Variants in SLC24A2 observed in about 807,000 individuals in gnomAD.
The protein encoded by SLC24A2 is sodium/potassium/calcium exchanger 2.
A neutral mutation model predicts 62.0 loss-of-function variants in SLC24A2; 36 were observed. The observed-to-expected ratio is 0.58, with a 90% CI of 0.44 to 0.77. The LOEUF (loss-of-function observed/expected upper bound fraction) is 0.77. Ranked by LOEUF, SLC24A2 falls within the 30% of genes least tolerant of loss-of-function variation. The pLI is 0.00. For missense variants in SLC24A2, 846 were observed against 817.9 expected, an observed-to-expected ratio of 1.03 and a Z score of -0.42; for synonymous variants, 358 against 294.0, an observed-to-expected ratio of 1.22 and a Z score of -2.23.
chr9:19,725,051 T>C (rs979224848), intron 2 of SLC24A2, among the ~76,000 whole-genome samples: 2 of 152,148 alleles, frequency 1.3e-5, no homozygotes, highest in Non-Finnish European at 2.9e-5. Context: ...ATACTGTAGT[T>C]ATATTTATTC....
the SLC24A2 span, among the ~76,000 whole-genome samples, chr9:20,159,669 G>A: frequency 6.6e-6 from 1 of 151,384 alleles, no homozygotes; most frequent in South Asian, 2.1e-4. Flanking sequence ...ATAGGGAATA[G>A]GTGGATGTCA....
At chr9:19,985,074 G>A in the SLC24A2 span, among the ~76,000 whole-genome samples, 1 of 151,374 alleles carries the variant, frequency 6.6e-6, no homozygotes, top group Non-Finnish European at 1.5e-5. Context: ...TAAAAAGACT[G>A]ACAATAACAA....
chr9:19,671,920 G>A (rs1403604131), intron 2 of SLC24A2, among the ~76,000 whole-genome samples: 1 of 146,002 alleles, frequency 6.8e-6, no homozygotes, highest in Non-Finnish European at 1.5e-5. Flanking sequence ...GATTATGGTG[G>A]ATTTTTTTTT....
the SLC24A2 span, among the ~76,000 whole-genome samples, chr9:19,864,535 C>T: frequency 1.4e-3 from 208 of 152,070 alleles, 2 homozygotes; most frequent in African/African-American, 4.6e-3. Flanking sequence ...GATGGTTCAA[C>T]GTATGCAAAT....
At chr9:20,301,965 T>C in the SLC24A2 span, among the ~76,000 whole-genome samples, 2 of 152,328 alleles carry the variant, frequency 1.3e-5, no homozygotes, top group Middle Eastern at 3.4e-3. Flanking sequence ...CAGTTTTGCC[T>C]TTTCCGGAAT....
the SLC24A2 span, among the ~76,000 whole-genome samples, chr9:20,192,376 G>GAT: frequency 0.062 from 9,362 of 151,406 alleles, 936 homozygotes; most frequent in African/African-American, 0.21. Context: ...AAATTGGGAA[G>GAT]ATATATATAT....
At chr9:20,246,936 AGAG>A in the SLC24A2 span, among the ~76,000 whole-genome samples, 1 of 152,348 alleles carries the variant, frequency 6.6e-6, no homozygotes, top group South Asian at 2.1e-4. Context: ...TTAACTATGC[AGAG>A]GAGATAGCAC....
At chr9:19,697,116 A>C (rs141497491) in intron 2 of SLC24A2, among the ~76,000 whole-genome samples, 7,081 of 152,330 alleles carry the variant, frequency 0.046, 198 homozygotes, top group Middle Eastern at 0.16. Context: ...AAATTAAAAA[A>C]ATAACATGTT....
At chr9:20,033,993 C>T in the SLC24A2 span, among the ~76,000 whole-genome samples, 1 of 152,164 alleles carries the variant, frequency 6.6e-6, no homozygotes, top group Non-Finnish European at 1.5e-5. Flanking sequence ...GGCTGAACCT[C>T]AAAATTACCA....
chr9:20,117,950 C>A, the SLC24A2 span, among the ~76,000 whole-genome samples: 4 of 152,064 alleles, frequency 2.6e-5, no homozygotes, highest in Non-Finnish European at 5.9e-5. Context: ...TAGTAAGAGT[C>A]AGTGTCATAC....
At chr9:20,035,265 G>A in the SLC24A2 span, among the ~76,000 whole-genome samples, 2 of 151,986 alleles carry the variant, frequency 1.3e-5, no homozygotes, top group African/African-American at 4.8e-5. Context: ...AGTTAAGTGG[G>A]GTGATTAAAT....
At chr9:20,076,390 GC>G in the SLC24A2 span, among the ~76,000 whole-genome samples, 1 of 152,108 alleles carries the variant, frequency 6.6e-6, no homozygotes, top group African/African-American at 2.4e-5. Flanking sequence ...TTTTCCTACT[GC>G]CAGGAAGTTC....
intron 7 of SLC24A2, among the ~76,000 whole-genome samples, chr9:19,558,616 C>A (rs142289455): frequency 2.0e-3 from 312 of 152,306 alleles, no homozygotes; most frequent in Non-Finnish European, 3.3e-3. Flanking sequence ...AATAAACTTT[C>A]CTGGGGCTAA....
chr9:19,600,125 C>T lies in SLC24A2; in HGVS notation c.1079-2846G>A, dbSNP rs555966160. Among the ~76,000 whole-genome samples the T allele has an allele frequency of 2.0e-5, 3 of 152,274 alleles. No homozygotes were observed. In the South Asian group the frequency reaches 6.2e-4, roughly 32 times the overall value. ...TGTCATTCTGGGTACCACCTGGTGC[C>T]TCTTCTCTATAACATTTCTCTAAGA... On this transcript the variant is annotated intron_variant, in intron 4 of 10. Transcript: ENST00000341998.
Position 19,513,173 on chromosome 9 carries a change from T to TATATATAC in SLC24A2, c.*2979_*2980insGTATATAT, listed in dbSNP as rs1426104637. ...ATAAAGATATATATATATATATATA[T>TATATATAC]ATGTATATATATATATATGTATATA... On this transcript the variant is annotated 3_prime_UTR_variant, in exon 11 of 11. Transcript: ENST00000341998. 3.3e-5 allele frequency: 2 copies of TATATATAC among 59,702 alleles called. No homozygotes were observed. Among genetic ancestry groups the TATATATAC allele is most frequent in the African/African-American group, 1.3e-4 (2 of 15,428 alleles). 3.7% of individuals were successfully genotyped at this position (59,702 alleles called of 1,614,324 possible).
At chr9:19,541,195 T>G (rs2132707293) in intron 8 of SLC24A2, among the ~76,000 whole-genome samples, 1 of 139,592 alleles carries the variant, frequency 7.2e-6, no homozygotes, top group African/African-American at 2.7e-5. Context: ...TGAAGCCTTC[T>G]TCTCTCAGCT....
chr9:20,021,805 G>C, the SLC24A2 span, among the ~76,000 whole-genome samples: 1 of 151,840 alleles, frequency 6.6e-6, no homozygotes, highest in African/African-American at 2.4e-5. Flanking sequence ...TTATTAGCAG[G>C]AGAAGCCACT....
At chr9:20,104,819 A>G in the SLC24A2 span, among the ~76,000 whole-genome samples, 1 of 152,238 alleles carries the variant, frequency 6.6e-6, no homozygotes, top group Non-Finnish European at 1.5e-5. Flanking sequence ...AGCTAACATC[A>G]TAATGACAGG....
At chr9:19,736,890 C>T (rs1386544668) in intron 2 of SLC24A2, among the ~76,000 whole-genome samples, 1 of 152,094 alleles carries the variant, frequency 6.6e-6, no homozygotes, top group Non-Finnish European at 1.5e-5. Context: ...GTTAACCCAT[C>T]ATGATGATGT....
Sources: gnomAD v4.1 joint callset for allele counts (sites outside exome capture counted in the v4.1 genomes callset) on GRCh38, gnomAD v4.1.1 for gene constraint, MANE v1.5 for transcripts, NCBI Gene and HGNC (gene_info 2026-07-23, HGNC 2026-07-21) for gene names.